MICAL3: variants seen among roughly 807,000 people sequenced by gnomAD.
MICAL3 encodes the protein microtubule associated monooxygenase, calponin and LIM domain containing 3.
MICAL3 carries 62 observed loss-of-function variants against 207.4 expected under a neutral mutation model. The ratio of observed to expected loss-of-function variants is 0.30; its 90% CI spans 0.24 to 0.37. The LOEUF is 0.37. Ranked by LOEUF, MICAL3 falls within the 10% of genes least tolerant of loss-of-function variation. MICAL3 has a pLI of 1.00. For missense variants in MICAL3, 2,368 were observed against 2,635.6 expected (o/e 0.90, Z 2.22); for synonymous variants, 1,077 against 1,069.3 (o/e 1.01, Z -0.14).
chr22:17,881,253 C>G, intron 16 of MICAL3: 1 of 1,612,164 alleles, frequency 6.2e-7, no homozygotes, highest in Non-Finnish European at 8.5e-7. Context: ...GGGGAGGAGA[C>G]AGGGTGATCA....
intron 19 of MICAL3, among the ~76,000 whole-genome samples, chr22:17,856,390 G>A (rs973285770): frequency 1.3e-5 from 2 of 152,160 alleles, no homozygotes; most frequent in African/African-American, 4.8e-5. Flanking sequence ...GCAAGCCAGT[G>A]CGGACTCTTA....
intron 1 of MICAL3, chr22:17,983,497 T>C (rs1397212118): frequency 1.4e-5 from 2 of 147,594 alleles, no homozygotes; most frequent in Non-Finnish European, 1.5e-5. Context: ...GACAGAACCC[T>C]GTGCGCCCCA....
chr22:17,807,116 T>A (rs116836896), intron 29 of MICAL3, among the ~76,000 whole-genome samples: 261 of 152,364 alleles, frequency 1.7e-3, no homozygotes, highest in African/African-American at 6.2e-3. Flanking sequence ...TGTGTTGAGA[T>A]CTAATCCACT....
intron 20 of MICAL3, chr22:17,839,618 G>A (rs926821488): frequency 2.1e-5 from 3 of 145,492 alleles, no homozygotes; most frequent in African/African-American, 7.7e-5. Context: ...CTAGGCTGGA[G>A]TTTGATGGCA....
At chr22:17,915,761 T>C (rs1932458309) in intron 1 of MICAL3, among the ~76,000 whole-genome samples, 1 of 151,970 alleles carries the variant, frequency 6.6e-6, no homozygotes, top group East Asian at 1.9e-4. Flanking sequence ...CAGCTTGCAA[T>C]CAATGTTCAT....
At position 17,791,058 on chromosome 22, in the gene MICAL3, C is replaced by T. The variant is rs771251719; in HGVS notation, c.5764G>A (p.Glu1922Lys). Residue 1922 changes from glutamate to lysine, a missense_variant, in exon 31 of 32, where the codon GAG (glutamate) becomes AAG (lysine). Physicochemically the swap from Glu to Lys is moderately conservative, Grantham distance 56. Transcript: ENST00000441493. ...SELMIFAREL[E>K]LEDRQSRLQQ... ...AGTCGACTCTGCCGGTCTTCCAGCT[C>T]CAGCTCCCGGGCACTGAGGAGGCAG... 1.2e-6 allele frequency: 2 copies of T among 1,611,808 alleles called. No individual in the cohort carries two copies. Among genetic ancestry groups the T allele is most frequent in the Non-Finnish European group, 1.7e-6 (2 of 1,179,724 alleles).
intron 2 of MICAL3, among the ~76,000 whole-genome samples, chr22:17,906,109 T>G (rs1424750831): frequency 1.3e-5 from 2 of 152,150 alleles, no homozygotes; most frequent in Admixed American, 1.3e-4. Context: ...ACCTGCATCC[T>G]CCGAACCACG....
rs56248467 is a variant in MICAL3 at position 17,865,965 on chromosome 22, C to A, written c.2476G>T (p.Ala826Ser). The change falls in exon 18 of 32, where the codon GCA becomes TCA. Residue 826 changes from alanine to serine, a missense_variant. Ala to Ser is a moderately conservative substitution (Grantham distance 99, BLOSUM62 1). Around this residue, in one of 4 missense-constraint regions of MICAL3, gnomAD observed 1,770 missense variants for 1,863.2 expected, o/e 0.95. Transcript: ENST00000441493. ...PHYCYRLSGY[A>S]QRKRPAVAPL... Reference sequence around the variant, plus strand: ...GCCACTGCCGGTCTCTTCCTTTGTGCGTAGCCAGAGAGTCGATAGCAGTAG... The same window carrying A: ...GCCACTGCCGGTCTCTTCCTTTGTGAGTAGCCAGAGAGTCGATAGCAGTAG... 6.2e-7 allele frequency: 1 copy of A among 1,613,842 alleles called. No homozygotes were observed. The highest frequency in any genetic ancestry group is 1.7e-5 in the Admixed American group (1 of 60,008).
Position 17,904,752 on chromosome 22 carries a change from G to A in MICAL3, c.352C>T (p.Arg118Ter). The change falls in exon 3 of 32, where the codon CGA becomes TGA. Residue 118 changes from arginine to a stop codon, truncating the protein, a stop_gained. Transcript: ENST00000441493. LOFTEE classifies it high-confidence loss of function. ...ACGTTGTTGCGGGAGAAGGCATCTC[G>A]TTTCTCAATAACAACCACCTTGGCC... ...LGAKVVVIEKRDAFSRNNVLH... is the reference protein window; with the variant it reads ...LGAKVVVIEK 6.2e-7 allele frequency: 1 copy of A among 1,613,750 alleles called. No individual in the cohort carries two copies. The highest frequency in any genetic ancestry group is 8.5e-7 in the Non-Finnish European group (1 of 1,179,656).
intron 1 of MICAL3, among the ~76,000 whole-genome samples, chr22:17,999,666 G>C (rs1322897472): frequency 6.6e-6 from 1 of 152,182 alleles, no homozygotes; most frequent in Non-Finnish European, 1.5e-5. Context: ...TGGGGGTTTG[G>C]GGGGAGGAAT....
At chr22:17,964,837 A>C (rs1426646567) in intron 1 of MICAL3, among the ~76,000 whole-genome samples, 1 of 152,252 alleles carries the variant, frequency 6.6e-6, no homozygotes, top group African/African-American at 2.4e-5. Flanking sequence ...CGAATTGCTC[A>C]GCTGGGACAC....
chr22:17,998,449 A>G (rs1002590129), intron 1 of MICAL3, among the ~76,000 whole-genome samples: 1 of 152,118 alleles, frequency 6.6e-6, no homozygotes, highest in African/African-American at 2.4e-5. Context: ...GACTTCAGAG[A>G]CAATTAAGAA....
intron 1 of MICAL3, among the ~76,000 whole-genome samples, chr22:18,008,091 T>C (rs1328599809): frequency 6.6e-6 from 1 of 151,494 alleles, no homozygotes; most frequent in Non-Finnish European, 1.5e-5. Flanking sequence ...AATACAAAAT[T>C]AGCCTGGCAT....
At chr22:17,875,385 C>A in intron 16 of MICAL3, 1 of 1,096,504 alleles carries the variant, frequency 9.1e-7, no homozygotes, top group Non-Finnish European at 1.3e-6. Flanking sequence ...ATGACACTTG[C>A]GAAAGTGACG....
intron 16 of MICAL3, among the ~76,000 whole-genome samples, chr22:17,877,552 A>T (rs1928947432): frequency 1.9e-5 from 2 of 105,232 alleles, no homozygotes; most frequent in East Asian, 7.0e-4. Context: ...GAGGTGAGGG[A>T]GGTTATGGAG....
Position 17,861,907 on chromosome 22 carries a change from T to C in MICAL3, c.2605+2992A>G, listed in dbSNP as rs942117045. The C allele has an allele frequency of 5.1e-6, 5 of 985,180 alleles. No homozygotes were observed. The African/African-American group carries it at 7.0e-5, about 14-fold the overall frequency. The allele number at this position is 985,180 out of a possible 1,614,324, so 61.0% of individuals were successfully genotyped here. ...CTAGAGTGGTTCTTTGAACTGCAGG[T>C]TGTAATTGGGTGTGGGTGTGTTTTT... On this transcript the variant is annotated intron_variant, in intron 19 of 31. Transcript: ENST00000441493.
intron 22 of MICAL3, 34 bp from the exon 23 acceptor site, chr22:17,823,094 A>G (rs1256591661): frequency 3.0e-5 from 43 of 1,414,588 alleles, no homozygotes; most frequent in East Asian, 4.6e-5. Flanking sequence ...GAAGGAAGAA[A>G]AGGAGGACAG....
At chr22:17,810,274 A>G (rs1466854338) in intron 28 of MICAL3, among the ~76,000 whole-genome samples, 2 of 151,992 alleles carry the variant, frequency 1.3e-5, no homozygotes, top group Non-Finnish European at 2.9e-5. Flanking sequence ...CGTGTTAGCC[A>G]GGATGGTCTC....
At chr22:17,897,125 G>C (rs1930912650) in intron 7 of MICAL3, 144 bp from the exon 8 acceptor site, 1 of 854,508 alleles carries the variant, frequency 1.2e-6, no homozygotes, top group African/African-American at 1.7e-5. Flanking sequence ...CCATTAAAAT[G>C]GGCGGGGGGA....
Sources: gnomAD v4.1 joint callset for allele counts (sites outside exome capture counted in the v4.1 genomes callset) on GRCh38, gnomAD v4.1.1 for gene constraint, gnomAD v4.1.1 regional missense constraint, MANE v1.5 for transcripts, NCBI Gene and HGNC (gene_info 2026-07-23, HGNC 2026-07-21) for gene names.